SLC39A11: variants seen among roughly 807,000 people sequenced by gnomAD.
The protein encoded by SLC39A11 is zinc transporter ZIP11.
SLC39A11 carries 33 observed loss-of-function variants against 36.1 expected under a neutral mutation model. The ratio of observed to expected loss-of-function variants is 0.91; its 90% CI spans 0.69 to 1.22. SLC39A11 has a LOEUF of 1.22. Among genes scored for constraint, SLC39A11 ranks in the 50% most tolerant of loss-of-function variants. SLC39A11 has a pLI of 0.00. For missense variants in SLC39A11, 432 were observed against 430.3 expected (o/e 1.00, Z -0.03); for synonymous variants, 166 against 170.3 (o/e 0.97, Z 0.20).
At chr17:73,008,472 A>C (rs2148474667) in intron 4 of SLC39A11, among the ~76,000 whole-genome samples, 1 of 152,198 alleles carries the variant, frequency 6.6e-6, no homozygotes, top group South Asian at 2.1e-4. Context: ...TCCCATTCAG[A>C]GCTGAGCTTC....
At chr17:73,005,950 C>CA (rs1454415726) in intron 4 of SLC39A11, among the ~76,000 whole-genome samples, 16 of 151,762 alleles carry the variant, frequency 1.1e-4, no homozygotes, top group African/African-American at 3.4e-4. Flanking sequence ...GACTCCGACT[C>CA]AAAAAATAAA....
At chr17:72,773,644 TACACACACAC>T (rs550889404) in intron 6 of SLC39A11, among the ~76,000 whole-genome samples, 2 of 78,810 alleles carry the variant, frequency 2.5e-5, no homozygotes, top group East Asian at 3.3e-4. Flanking sequence ...GAGACCATCT[TACACACACAC>T]ACACACACAC....
chr17:72,668,028 T>A (rs1259841414), intron 7 of SLC39A11, among the ~76,000 whole-genome samples: 1 of 152,188 alleles, frequency 6.6e-6, no homozygotes, highest in Non-Finnish European at 1.5e-5. Context: ...TGAGGGTGGA[T>A]CTTGCTGTAA....
At chr17:73,078,730 CA>C (rs2060415203) in intron 3 of SLC39A11, among the ~76,000 whole-genome samples, 2 of 151,994 alleles carry the variant, frequency 1.3e-5, no homozygotes. Flanking sequence ...CTCCTGACCT[CA>C]GGTGATCCAC....
At chr17:72,935,323 T>C (rs113387927) in intron 5 of SLC39A11, among the ~76,000 whole-genome samples, 2,788 of 152,062 alleles carry the variant, frequency 0.018, 80 homozygotes, top group African/African-American at 0.06. Context: ...GGCAAAAATA[T>C]AGGGGCAGAG....
chr17:72,915,952 G>A (rs980816504), intron 5 of SLC39A11, among the ~76,000 whole-genome samples: 1 of 152,140 alleles, frequency 6.6e-6, no homozygotes, highest in Non-Finnish European at 1.5e-5. Flanking sequence ...GCCATCTACT[G>A]AAACACACAT....
intron 4 of SLC39A11, among the ~76,000 whole-genome samples, chr17:73,011,475 G>A (rs1383490529): frequency 6.6e-6 from 1 of 152,140 alleles, no homozygotes; most frequent in African/African-American, 2.4e-5. Context: ...GATACTCTGG[G>A]GGCCTGTGGA....
intron 7 of SLC39A11, among the ~76,000 whole-genome samples, chr17:72,723,550 C>T (rs886534121): frequency 7.9e-5 from 12 of 152,136 alleles, no homozygotes; most frequent in African/African-American, 2.7e-4. Context: ...AAAGTACAGG[C>T]GTGAAGAGTG....
At chr17:72,929,402 C>T (rs570946902) in intron 5 of SLC39A11, among the ~76,000 whole-genome samples, 20 of 152,214 alleles carry the variant, frequency 1.3e-4, no homozygotes, top group Admixed American at 5.2e-4. Flanking sequence ...TGGTTTTTAT[C>T]GGGTGCTCGG....
chr17:72,862,331 T>C (rs2146244817), intron 5 of SLC39A11, among the ~76,000 whole-genome samples: 1 of 152,296 alleles, frequency 6.6e-6, no homozygotes, highest in South Asian at 2.1e-4. Flanking sequence ...AAGAAAAACG[T>C]TGGTTCTGAG....
intron 4 of SLC39A11, among the ~76,000 whole-genome samples, chr17:72,958,791 C>T (rs1379688751): frequency 6.7e-6 from 1 of 150,174 alleles, no homozygotes; most frequent in Non-Finnish European, 1.5e-5. Context: ...GCGGAGGTTG[C>T]AGTGAGCCAA....
chr17:72,808,344 C>A (rs1467633588), intron 6 of SLC39A11, among the ~76,000 whole-genome samples: 1 of 152,184 alleles, frequency 6.6e-6, no homozygotes, highest in Admixed American at 6.5e-5. Context: ...GGCTTCTAGC[C>A]CTGCAGGTGG....
chr17:72,900,225 GAAA>G (rs2082321575), intron 5 of SLC39A11, among the ~76,000 whole-genome samples: 1 of 143,670 alleles, frequency 7.0e-6, no homozygotes, highest in Non-Finnish European at 1.6e-5. Context: ...AAGAAAGAAA[GAAA>G]GAAAAAGACA....
intron 3 of SLC39A11, among the ~76,000 whole-genome samples, chr17:73,054,400 C>T (rs554226707): frequency 3.3e-4 from 50 of 151,568 alleles, no homozygotes; most frequent in African/African-American, 1.1e-3. Flanking sequence ...CTAATGCACA[C>T]GCCACATTTA....
intron 4 of SLC39A11, among the ~76,000 whole-genome samples, chr17:72,995,714 A>G (rs2089464519): frequency 6.6e-6 from 1 of 152,148 alleles, no homozygotes; most frequent in South Asian, 2.1e-4. Context: ...TTTAGACTGA[A>G]TGTTTTACCA....
At chr17:72,967,401 T>TGTGA (rs1568038424) in intron 4 of SLC39A11, among the ~76,000 whole-genome samples, 1 of 63,382 alleles carries the variant, frequency 1.6e-5, no homozygotes, top group Non-Finnish European at 3.2e-5. Context: ...AGAGAGAGAG[T>TGTGA]GTGTGTGTGT....
intron 4 of SLC39A11, among the ~76,000 whole-genome samples, chr17:73,018,436 T>A (rs1462162315): frequency 1.3e-5 from 2 of 151,974 alleles, no homozygotes; most frequent in Admixed American, 1.3e-4. Flanking sequence ...TAATCTCAGC[T>A]ACTCAGAAAG....
At chr17:72,877,452 G>A (rs1348128212) in intron 5 of SLC39A11, among the ~76,000 whole-genome samples, 2 of 152,198 alleles carry the variant, frequency 1.3e-5, no homozygotes, top group Non-Finnish European at 2.9e-5. Flanking sequence ...ATTCTGGCCA[G>A]TGCCACGTTA....
chr17:72,772,603 G>A (rs755674), intron 6 of SLC39A11, among the ~76,000 whole-genome samples: 12,918 of 152,246 alleles, frequency 0.085, 596 homozygotes, highest in Non-Finnish European at 0.096. Flanking sequence ...GAGAAGGTAA[G>A]TGTGGAGGAG....
Sources: gnomAD v4.1 joint callset for allele counts (sites outside exome capture counted in the v4.1 genomes callset) on GRCh38, gnomAD v4.1.1 for gene constraint, MANE v1.5 for transcripts, NCBI Gene and HGNC (gene_info 2026-07-23, HGNC 2026-07-21) for gene names.